CSMD3: variants seen among roughly 807,000 people sequenced by gnomAD.
CSMD3 encodes the protein CUB and Sushi multiple domains 3, also known as CUB and sushi domain-containing protein 3.
In CSMD3, 177 loss-of-function variants were observed where a neutral mutation model predicts 435.2. The observed-to-expected ratio is 0.41, with a 90% CI of 0.36 to 0.46. The LOEUF is 0.46. CSMD3 is among the 20% of genes least tolerant of loss of function. The probability of loss-of-function intolerance (pLI) is 0.34; values close to 1 mark genes in which losing one functional copy is unlikely to be tolerated. For missense variants in CSMD3, 4,265 were observed against 4,504.6 expected (o/e 0.95, Z 1.52); for synonymous variants, 1,656 against 1,520.5 (o/e 1.09, Z -2.07).
intron 12 of CSMD3, among the ~76,000 whole-genome samples, chr8:112,828,165 A>T (rs1039146551): frequency 1.3e-5 from 2 of 152,192 alleles, no homozygotes; most frequent in African/African-American, 4.8e-5. Context: ...ATTTCTGGAA[A>T]ATGTCAGTTC....
At chr8:112,603,350 T>C (rs1444715932) in intron 22 of CSMD3, among the ~76,000 whole-genome samples, 1 of 152,236 alleles carries the variant, frequency 6.6e-6, no homozygotes, top group African/African-American at 2.4e-5. Context: ...CTATGCAGTT[T>C]ACTGGAGAGA....
chr8:113,085,658 T>C (rs1254897813), intron 5 of CSMD3, among the ~76,000 whole-genome samples: 1 of 152,158 alleles, frequency 6.6e-6, no homozygotes, highest in Non-Finnish European at 1.5e-5. Context: ...AACATTATTT[T>C]AAGTGAAATG....
chr8:112,710,273 G>C (rs544780521), intron 13 of CSMD3, among the ~76,000 whole-genome samples: 2 of 152,220 alleles, frequency 1.3e-5, no homozygotes, highest in African/African-American at 4.8e-5. Context: ...TCTTTTACTT[G>C]AGAACAAACT....
At chr8:113,316,942 T>C (rs539016721) in intron 1 of CSMD3, among the ~76,000 whole-genome samples, 1 of 152,292 alleles carries the variant, frequency 6.6e-6, no homozygotes, top group East Asian at 1.9e-4. Flanking sequence ...TCCTATCCTC[T>C]GAGCAAAATT....
intron 61 of CSMD3, among the ~76,000 whole-genome samples, chr8:112,258,753 T>C (rs1816063240): frequency 6.6e-6 from 1 of 152,114 alleles, no homozygotes; most frequent in African/African-American, 2.4e-5. Flanking sequence ...GAAATACCAT[T>C]TGATGGCCTG....
chr8:112,792,455 C>A (rs2078715346), intron 13 of CSMD3, among the ~76,000 whole-genome samples: 1 of 152,120 alleles, frequency 6.6e-6, no homozygotes, highest in South Asian at 2.1e-4. Flanking sequence ...TCAAGAAGGA[C>A]TCATTCTTAT....
chr8:113,114,732 A>C (rs1160795301), intron 4 of CSMD3, among the ~76,000 whole-genome samples: 2 of 152,182 alleles, frequency 1.3e-5, no homozygotes, highest in Non-Finnish European at 1.5e-5. Context: ...TTGGAGATGA[A>C]TTATAGGTAT....
At chr8:112,359,323 C>G (rs1826947654) in intron 38 of CSMD3, among the ~76,000 whole-genome samples, 2 of 152,042 alleles carry the variant, frequency 1.3e-5, no homozygotes, top group Admixed American at 1.3e-4. Flanking sequence ...CTTGTAGCAC[C>G]ACCCTCTACA....
intron 2 of CSMD3, chr8:113,311,333 T>C (rs892255236): frequency 1.3e-5 from 2 of 152,056 alleles, no homozygotes; most frequent in African/African-American, 4.8e-5. Flanking sequence ...CATTGGAGGC[T>C]TAGAGTACAG....
chr8:112,560,230 T>C (rs1158840015), intron 24 of CSMD3, among the ~76,000 whole-genome samples: 1 of 151,816 alleles, frequency 6.6e-6, no homozygotes, highest in African/African-American at 2.4e-5. Context: ...TTAGGAGTCT[T>C]TCCTAGTCTC....
In CSMD3 at chr8:112,408,405, G is replaced by A. The variant is rs761542295; in HGVS notation, c.5518C>T (p.Leu1840Phe). 10 of 1,600,216 alleles carry A rather than the reference G, an allele frequency of 6.2e-6. No individual in the cohort carries two copies. In the South Asian group the frequency reaches 9.9e-5, roughly 16 times the overall value. Residue 1840 changes from leucine (L) to phenylalanine (F), a missense_variant, in exon 34 of 71, where the codon CTT becomes TTT. Transcript: ENST00000297405. ...ATCTGATTACCTGAACTCAGTGGAA[G>A]TGATTCTCCTACTCAACAAAACAAA... Reference protein sequence around the residue: ...SLSGSHSGESLPLSSGNQITI... With the variant: ...SLSGSHSGESFPLSSGNQITI...
intron 5 of CSMD3, among the ~76,000 whole-genome samples, chr8:113,077,260 A>G (rs562758018): frequency 1.3e-5 from 2 of 152,212 alleles, no homozygotes; most frequent in South Asian, 4.1e-4. Context: ...GGATCTCTGG[A>G]TGATTTCTTC....
rs1814524015 is a variant in CSMD3, at chr8:112,244,632, G to A, written c.10223-59C>T. 2.2e-6 allele frequency: 3 copies of A among 1,347,070 alleles called. 1 individual carries two copies. In the Admixed American group the frequency reaches 5.1e-5, roughly 23 times the overall value. The allele number at this position is 1,347,070 out of a possible 1,614,324, so 83.4% of individuals were successfully genotyped here. The stretch of plus-strand genomic sequence containing the variant: ...TATAGATATGTTAAGAAAAATTTGA[G>A]ACAGGAGTCACAATATATTTCAGAT... On this transcript the variant is annotated intron_variant, in intron 64 of 70. Transcript: ENST00000297405.
intron 12 of CSMD3, among the ~76,000 whole-genome samples, chr8:112,818,240 T>C (rs917239190): frequency 6.6e-6 from 1 of 152,122 alleles, no homozygotes; most frequent in Non-Finnish European, 1.5e-5. Context: ...TTCCATAACA[T>C]GTTAAATATG....
At chr8:112,236,751 A>G (rs1255945450) in intron 67 of CSMD3, among the ~76,000 whole-genome samples, 2 of 152,144 alleles carry the variant, frequency 1.3e-5, no homozygotes, top group Non-Finnish European at 2.9e-5. Flanking sequence ...TGCCTATTTA[A>G]ACAAGTGTAG....
chr8:112,252,685 A>G (rs1288632995), intron 63 of CSMD3, among the ~76,000 whole-genome samples: 6 of 23,986 alleles, frequency 2.5e-4, no homozygotes, highest in South Asian at 9.9e-4. Context: ...GTGTGTATAT[A>G]TATATATATA....
Position 112,503,867 on chromosome 8 carries a change from C to A in CSMD3, c.5006G>T (p.Ser1669Ile). Residue 1669 changes from serine to isoleucine, a missense_variant, in exon 30 of 71, where the codon AGC (serine) becomes ATC (isoleucine). Transcript: ENST00000297405. ...QDSKLPERIESSSNTMHLAFR... is the reference protein window; with the variant it reads ...QDSKLPERIEISSNTMHLAFR... The stretch of plus-strand genomic sequence containing the variant: ...AGCCAAATGCATTGTATTTGAGCTG[C>A]TTTCTATTCTCTCTGGTAACTTGCT... The A allele has an allele frequency of 1.9e-6, 3 of 1,612,988 alleles. No individual in the cohort carries two copies. Among genetic ancestry groups the A allele is most frequent in the Non-Finnish European group, 2.5e-6 (3 of 1,179,332 alleles).
intron 17 of CSMD3, among the ~76,000 whole-genome samples, chr8:112,658,039 T>A (rs1222162571): frequency 2.0e-5 from 3 of 152,202 alleles, no homozygotes; most frequent in Admixed American, 6.5e-5. Context: ...GTTAAAAATG[T>A]CTTTCTTTTC....
In CSMD3 at chr8:112,573,597, G is replaced by A. The variant is rs1049829056; in HGVS notation, c.3946C>T (p.Arg1316Cys). 1.4e-5 allele frequency: 22 copies of A among 1,612,882 alleles called. No homozygotes were observed. The highest frequency in any genetic ancestry group is 2.2e-5 in the South Asian group (2 of 91,070). ...LLGAFTGASMRGLTLSSTSNQ... is the reference protein window; with the variant it reads ...LLGAFTGASMCGLTLSSTSNQ... ...GAAGTACTACTAAGTGTCAGTCCGC[G>A]CATAGATGCACCAGTAAAAGCACCT... The change falls in exon 24 of 71, where the codon CGC becomes TGC. Residue 1316 changes from arginine (R) to cysteine (C), a missense_variant. Transcript: ENST00000297405.
Sources: allele counts gnomAD v4.1 joint callset (sites outside exome capture counted in the v4.1 genomes callset), GRCh38; gene constraint gnomAD v4.1.1; transcripts MANE v1.5; gene names NCBI Gene and HGNC (gene_info 2026-07-23, HGNC 2026-07-21).